Variants in PCDHGA1 observed in about 807,000 individuals in gnomAD.
PCDHGA1 encodes protocadherin gamma subfamily A, 1.
In PCDHGA1, 32 loss-of-function variants were observed where a neutral mutation model predicts 58.0. That is an observed-to-expected ratio of 0.55 (90% CI 0.42 to 0.74). The LOEUF is 0.74. PCDHGA1 is among the 30% of genes least tolerant of loss of function. The pLI is 0.00. For synonymous variants in PCDHGA1, 498 were observed against 501.1 expected, an observed-to-expected ratio of 0.99 and a Z score of 0.08; for missense variants, 1,205 against 1,182.3, an observed-to-expected ratio of 1.02 and a Z score of -0.28.
chr5:141,419,616 AC>A, intron 1 of PCDHGA1: 1 of 1,612,204 alleles, frequency 6.2e-7, no homozygotes, highest in Non-Finnish European at 8.5e-7. Flanking sequence ...CAGCCAGGCT[AC>A]CTGGTGACCA....
Position 141,477,383 on chromosome 5 carries a change from T to A in PCDHGA1, c.2422-17424T>A. 6.2e-7 allele frequency: 1 copy of A among 1,614,102 alleles called. No homozygotes were observed. Among genetic ancestry groups the A allele is most frequent in the Non-Finnish European group, 8.5e-7 (1 of 1,180,006 alleles). On this transcript the variant is annotated intron_variant, in intron 1 of 3. Transcript: ENST00000517417. This position sits in a 1 kb window ranked among gnomAD's most constrained non-coding sequence, Gnocchi z 4.9. Reference sequence around the variant, plus strand: ...CCTGGATCGGGAGACTGTGCCAGAATACAACCTCAGCATCACCGCCCGAGA... The same window carrying A: ...CCTGGATCGGGAGACTGTGCCAGAAAACAACCTCAGCATCACCGCCCGAGA...
intron 1 of PCDHGA1, chr5:141,384,729 G>A: frequency 6.2e-7 from 1 of 1,614,122 alleles, no homozygotes; most frequent in Non-Finnish European, 8.5e-7. Context: ...TCCTGCTTAA[G>A]GCCAGCGAGC....
chr5:141,364,731 G>A (rs932792949), intron 1 of PCDHGA1: 1 of 1,613,914 alleles, frequency 6.2e-7, no homozygotes, highest in Non-Finnish European at 8.5e-7. Context: ...CCGCGTTTCC[G>A]GGATGAAGAG....
rs1405954949 is a variant in PCDHGA1 at position 141,330,544 on chromosome 5, A to G, written c.-141A>G. 2.5e-6 allele frequency: 2 copies of G among 810,692 alleles called. No individual in the cohort carries two copies. The highest frequency in any genetic ancestry group is 2.3e-5 in the South Asian group (1 of 43,934). The allele number at this position is 810,692 out of a possible 1,614,324, so 50.2% of individuals were successfully genotyped here. On this transcript the variant is annotated 5_prime_UTR_variant, in exon 1 of 4. Transcript: ENST00000517417. The stretch of plus-strand genomic sequence containing the variant: ...TCCATAACCGCCAGATTGAAAACTG[A>G]CTGTCCAAGACTGCCTAAATCCTAC...
chr5:141,460,783 T>G (rs1000959104), intron 1 of PCDHGA1, among the ~76,000 whole-genome samples: 1 of 152,030 alleles, frequency 6.6e-6, no homozygotes, highest in Non-Finnish European at 1.5e-5. Flanking sequence ...TGTATACATA[T>G]ATACACACAA....
rs2093887845 is a variant in PCDHGA1, at chr5:141,399,791, C to T, written c.2421+66686C>T. ...TTGGTGGGCGACCGAAACGACAACG[C>T]ACCGCGGGTGCTGTACCCCGCGCTG... On this transcript the variant is annotated intron_variant, in intron 1 of 3. Transcript: ENST00000517417. 1.2e-6 allele frequency: 2 copies of T among 1,613,128 alleles called. No individual in the cohort carries two copies. Among genetic ancestry groups the T allele is most frequent in the Admixed American group, 1.7e-5 (1 of 59,984 alleles).
At chr5:141,419,313 G>T in intron 1 of PCDHGA1, 1 of 1,613,974 alleles carries the variant, frequency 6.2e-7, no homozygotes, top group Non-Finnish European at 8.5e-7. Context: ...GGGCTCAACG[G>T]CCGTGTCTCC....
At chr5:141,380,091 G>A (rs538586012) in intron 1 of PCDHGA1, among the ~76,000 whole-genome samples, 1 of 151,688 alleles carries the variant, frequency 6.6e-6, no homozygotes, top group African/African-American at 2.4e-5. Context: ...GTAGAGATGG[G>A]GTTTTACCAT....
intron 1 of PCDHGA1, chr5:141,377,896 G>A (rs1774450136): frequency 6.6e-6 from 1 of 152,142 alleles, no homozygotes; most frequent in African/African-American, 2.4e-5. Context: ...ATCCCCCTCT[G>A]TTGCCCAGTC....
rs1446743849 is a variant in PCDHGA1, at chr5:141,476,288, C to T, written c.2422-18519C>T. The T allele has an allele frequency of 1.3e-5, 21 of 1,613,980 alleles. No individual in the cohort carries two copies. The highest frequency in any genetic ancestry group is 2.2e-5 in the South Asian group (2 of 91,076). On this transcript the variant is annotated intron_variant, in intron 1 of 3. Coordinates refer to ENST00000517417, the MANE Select transcript of PCDHGA1 (RefSeq NM_018912.3). This position sits in a 1 kb window ranked among gnomAD's most constrained non-coding sequence, Gnocchi z 7.6. ...CGTGGTCGCGAACCTTGGTTTGGAT[C>T]TCGGTAGCCTCTCAGCCCGCAGGTT...
intron 3 of PCDHGA1, among the ~76,000 whole-genome samples, chr5:141,509,022 C>G (rs2099873807): frequency 6.6e-6 from 1 of 152,206 alleles, no homozygotes; most frequent in East Asian, 1.9e-4. Context: ...CAGCTGCTCC[C>G]TCCCACTCAA....
chr5:141,362,171 G>C lies in PCDHGA1; in HGVS notation c.2421+29066G>C, dbSNP rs62378417. 152,882 of 1,613,796 alleles carry C rather than the reference G, an allele frequency of 0.095. 8,932 individuals are homozygous for C. The highest frequency in any genetic ancestry group is 0.29 in the African/African-American group (21,432 of 74,954). On this transcript the variant is annotated intron_variant, in intron 1 of 3. Coordinates refer to ENST00000517417, the MANE Select transcript of PCDHGA1 (RefSeq NM_018912.3). ...GTATTGCCAGACCTCAGCGACCGCC[G>C]GGAGCCCTCTGACCCCCAGGCAAAA... is the stretch of plus-strand genomic sequence containing the variant.
At chr5:141,446,231 C>T (rs1412899811) in intron 1 of PCDHGA1, among the ~76,000 whole-genome samples, 2 of 152,176 alleles carry the variant, frequency 1.3e-5, no homozygotes, top group African/African-American at 2.4e-5. Flanking sequence ...TGTTGCCTGG[C>T]AAGTGGTAGA....
At chr5:141,420,268 T>C (rs375162019) in intron 1 of PCDHGA1, 254 of 1,543,666 alleles carry the variant, frequency 1.6e-4, no homozygotes, top group Non-Finnish European at 2.1e-4. Context: ...AGAAGATTCT[T>C]AAACAGGTAA....
At chr5:141,348,085 G>C (rs1006588692) in intron 1 of PCDHGA1, among the ~76,000 whole-genome samples, 1 of 152,208 alleles carries the variant, frequency 6.6e-6, no homozygotes, top group African/African-American at 2.4e-5. Context: ...TCTTGAGCCA[G>C]AAATTGTTGG....
At chr5:141,403,218 G>A in intron 1 of PCDHGA1, 1 of 1,613,968 alleles carries the variant, frequency 6.2e-7, no homozygotes. Flanking sequence ...ACCGCGGGTA[G>A]GATAGACCGG....
At chr5:141,409,511 A>C in intron 1 of PCDHGA1, 1 of 1,614,018 alleles carries the variant, frequency 6.2e-7, no homozygotes, top group Non-Finnish European at 8.5e-7. Flanking sequence ...TTCCAGTAGA[A>C]GCATCACCTT....
At chr5:141,388,497 C>T (rs2091382933) in intron 1 of PCDHGA1, 34 of 1,613,702 alleles carry the variant, frequency 2.1e-5, no homozygotes, top group Middle Eastern at 1.6e-4. Flanking sequence ...CAGAGAAAAG[C>T]AGAAATCCTA....
chr5:141,373,720 C>T (rs1769798008), intron 1 of PCDHGA1, among the ~76,000 whole-genome samples: 1 of 152,328 alleles, frequency 6.6e-6, no homozygotes, highest in East Asian at 1.9e-4. Flanking sequence ...ATCTCTTACA[C>T]TCTTCTAAAT....
Sources: gnomAD v4.1 joint callset for allele counts (sites outside exome capture counted in the v4.1 genomes callset) on GRCh38, gnomAD v4.1.1 for gene constraint, Gnocchi (gnomAD v3.1) non-coding constraint, MANE v1.5 for transcripts, NCBI Gene and HGNC (gene_info 2026-07-23, HGNC 2026-07-21) for gene names.